The following TBCD variants were observed in gnomAD, a reference collection of about 807,000 sequenced individuals.
TBCD encodes tubulin folding cofactor D, also known as tubulin-specific chaperone D.
In TBCD, 105 loss-of-function variants were observed where a neutral mutation model predicts 169.3. The observed-to-expected ratio is 0.62, with a 90% CI of 0.53 to 0.73. The LOEUF is 0.73. TBCD is among the 30% of genes least tolerant of loss of function. The pLI, the probability that TBCD is intolerant of heterozygous loss-of-function variation, is 0.00. For missense variants in TBCD, 1,444 were observed against 1,600.1 expected, an observed-to-expected ratio of 0.90 and a Z score of 1.66; for synonymous variants, 700 against 643.9, an observed-to-expected ratio of 1.09 and a Z score of -1.32.
chr17:82,783,532 C>T (rs546697266), intron 7 of TBCD, among the ~76,000 whole-genome samples: 1 of 152,354 alleles, frequency 6.6e-6, no homozygotes, highest in South Asian at 2.1e-4. Context: ...CCAGCCCCTG[C>T]AGCCGTGGAT....
Position 82,942,240 on chromosome 17 carries a change from C to T in TBCD, c.3565-209C>T, listed in dbSNP as rs1260641000. 6.5e-6 allele frequency: 4 copies of T among 619,840 alleles called. No homozygotes were observed. In the East Asian group the frequency reaches 8.4e-5, roughly 13 times the overall value. The allele number at this position is 619,840 out of a possible 1,614,324, so 38.4% of individuals were successfully genotyped here. Reference sequence around the variant, plus strand: ...GCAGTGAACCTCCCTTCCCGCTCCCCAGATGGGGTGCCCTTCCGAGGACAC... The same window carrying T: ...GCAGTGAACCTCCCTTCCCGCTCCCTAGATGGGGTGCCCTTCCGAGGACAC... On this transcript the variant is annotated intron_variant, in intron 38 of 38. Transcript: ENST00000355528.
intron 17 of TBCD, among the ~76,000 whole-genome samples, chr17:82,899,091 T>C (rs1472696421): frequency 6.6e-6 from 1 of 152,238 alleles, no homozygotes; most frequent in Non-Finnish European, 1.5e-5. Context: ...CTCAGCGTAG[T>C]GCGCCTGGGG....
At chr17:82,752,401 C>T (rs1489786890) in intron 1 of TBCD, 24 bp downstream of exon 1, 5 of 1,217,876 alleles carry the variant, frequency 4.1e-6, no homozygotes, top group Non-Finnish European at 5.1e-6. Flanking sequence ...GCCGCGTGCC[C>T]GCTTCCTCCC....
chr17:82,827,466 C>T (rs2052958452), intron 13 of TBCD, among the ~76,000 whole-genome samples: 1 of 152,210 alleles, frequency 6.6e-6, no homozygotes, highest in African/African-American at 2.4e-5. Flanking sequence ...AGTCTACGCT[C>T]CTAAAGCACT....
At chr17:82,907,409 A>T (rs2146837809) in intron 20 of TBCD, among the ~76,000 whole-genome samples, 1 of 152,326 alleles carries the variant, frequency 6.6e-6, no homozygotes, top group Admixed American at 6.5e-5. Flanking sequence ...TGGGCCAGGC[A>T]TAGTGGCTCA....
At chr17:82,776,615 G>A (rs1568116114) in intron 6 of TBCD, among the ~76,000 whole-genome samples, 1 of 152,170 alleles carries the variant, frequency 6.6e-6, no homozygotes, top group African/African-American at 2.4e-5. Context: ...GTGTTCTGCT[G>A]TGTTTCGATA....
chr17:82,873,747 G>A (rs568096339), intron 14 of TBCD, among the ~76,000 whole-genome samples: 40 of 152,258 alleles, frequency 2.6e-4, no homozygotes, highest in Admixed American at 1.2e-3. Context: ...CCGGCCGGTC[G>A]GTAGGTCCTG....
intron 17 of TBCD, among the ~76,000 whole-genome samples, chr17:82,896,258 G>A (rs759373958): frequency 3.3e-5 from 5 of 152,100 alleles, no homozygotes; most frequent in Non-Finnish European, 7.4e-5. Context: ...TGTGGGGACC[G>A]TCCCCCGAGC....
chr17:82,831,865 T>G lies in TBCD; in HGVS notation c.1318+16931T>G. On this transcript the variant is annotated intron_variant, in intron 13 of 38. Coordinates refer to ENST00000355528, the MANE Select transcript of TBCD (RefSeq NM_005993.5). This position sits in a 1 kb window ranked among gnomAD's most constrained non-coding sequence, Gnocchi z 4.6. Reference sequence around the variant, plus strand: ...GTAGCCAGGAGTGTGGAAGGCCGACTTGGTGTGGAAAGACACGGCCTTGGC... The same window carrying G: ...GTAGCCAGGAGTGTGGAAGGCCGACGTGGTGTGGAAAGACACGGCCTTGGC... 6.2e-7 allele frequency: 1 copy of G among 1,614,162 alleles called. No homozygotes were observed. Among genetic ancestry groups the G allele is most frequent in the Non-Finnish European group, 8.5e-7 (1 of 1,180,010 alleles).
chr17:82,778,811 G>A (rs2048759729), intron 6 of TBCD, among the ~76,000 whole-genome samples: 3 of 151,804 alleles, frequency 2.0e-5, no homozygotes, highest in Middle Eastern at 3.4e-3. Flanking sequence ...ACAGGTGTGC[G>A]CCAGCACCCC....
At chr17:82,769,541 A>C (rs1251282981) in intron 5 of TBCD, among the ~76,000 whole-genome samples, 1 of 152,072 alleles carries the variant, frequency 6.6e-6, no homozygotes, top group Non-Finnish European at 1.5e-5. Flanking sequence ...CCGTTCAAAC[A>C]CTCATAGATT....
chr17:82,806,079 A>T lies in TBCD; in HGVS notation c.1087+68A>T, dbSNP rs958237056. On this transcript the variant is annotated intron_variant, in intron 10 of 38. Coordinates refer to ENST00000355528, the MANE Select transcript of TBCD (RefSeq NM_005993.5). This position sits in a 1 kb window ranked among gnomAD's most constrained non-coding sequence, Gnocchi z 5.1. ...CGGGCCAATTCCCCTCTACTCCAGG[A>T]CCACACTTCCTTCTTCCTTGCTGGT... 14 of 1,575,728 alleles carry T rather than the reference A, an allele frequency of 8.9e-6. No individual in the cohort carries two copies. In the African/African-American group the frequency reaches 1.5e-4, roughly 17 times the overall value.
chr17:82,762,831 G>T (rs1215176058), intron 2 of TBCD, among the ~76,000 whole-genome samples: 2 of 152,098 alleles, frequency 1.3e-5, no homozygotes, highest in Non-Finnish European at 2.9e-5. Context: ...TACCAACAAG[G>T]TATGAGGATT....
At chr17:82,869,235 A>G (rs2057392814) in intron 13 of TBCD, among the ~76,000 whole-genome samples, 1 of 152,240 alleles carries the variant, frequency 6.6e-6, no homozygotes, top group South Asian at 2.1e-4. Flanking sequence ...AATAAATCGA[A>G]CAAATACAGT....
At chr17:82,862,596 T>C (rs1188019829) in intron 13 of TBCD, among the ~76,000 whole-genome samples, 2 of 152,186 alleles carry the variant, frequency 1.3e-5, no homozygotes, top group African/African-American at 4.8e-5. Context: ...AGTGTCTGTA[T>C]TGAAAAAATA....
chr17:82,907,676 G>C, intron 20 of TBCD, 85 bp from the exon 21 acceptor site: 2 of 1,470,008 alleles, frequency 1.4e-6, no homozygotes, highest in Non-Finnish European at 1.9e-6. Flanking sequence ...AGGGTCTTGG[G>C]GAGTGTGGCC....
At chr17:82,931,840 G>A (rs539490818) in intron 33 of TBCD, 4 of 152,388 alleles carry the variant, frequency 2.6e-5, no homozygotes, top group Admixed American at 1.3e-4. Flanking sequence ...ACACAGAGGC[G>A]AATGTCTAGC....
intron 7 of TBCD, among the ~76,000 whole-genome samples, 200 bp from the exon 8 acceptor site, chr17:82,797,557 A>G (rs1342382580): frequency 6.6e-6 from 1 of 152,208 alleles, no homozygotes; most frequent in Non-Finnish European, 1.5e-5. Context: ...CCCTATTTTC[A>G]GATGAATTTT....
intron 33 of TBCD, among the ~76,000 whole-genome samples, chr17:82,931,430 T>C (rs549834566): frequency 9.3e-4 from 141 of 152,352 alleles, no homozygotes; most frequent in African/African-American, 3.1e-3. Context: ...GCCCCTGACC[T>C]GCGTCACCAT....
Sources: gnomAD v4.1 joint callset for allele counts (sites outside exome capture counted in the v4.1 genomes callset) on GRCh38, gnomAD v4.1.1 for gene constraint, Gnocchi (gnomAD v3.1) non-coding constraint, MANE v1.5 for transcripts, NCBI Gene and HGNC (gene_info 2026-07-23, HGNC 2026-07-21) for gene names.